RPS6KC1: variants seen among roughly 807,000 people sequenced by gnomAD.
The protein encoded by RPS6KC1 is ribosomal protein S6 kinase C1.
In RPS6KC1, 54 loss-of-function variants were observed where a neutral mutation model predicts 103.8. The ratio of observed to expected loss-of-function variants is 0.52; its 90% confidence interval spans 0.42 to 0.65. RPS6KC1 has a LOEUF of 0.65. Among genes scored for constraint, RPS6KC1 ranks in the 30% least tolerant of loss-of-function variants. RPS6KC1 has a pLI of 0.00. For synonymous variants in RPS6KC1, 439 were observed against 438.7 expected (o/e 1.00, Z -0.01); for missense variants, 1,151 against 1,253.8 (o/e 0.92, Z 1.24).
At chr1:213,853,320 G>A in the RPS6KC1 span, among the ~76,000 whole-genome samples, 439 of 152,306 alleles carry the variant, frequency 2.9e-3, 4 homozygotes, top group African/African-American at 0.01. Flanking sequence ...GAGCCAAGAT[G>A]ATTCATGATG....
the RPS6KC1 span, among the ~76,000 whole-genome samples, chr1:213,751,062 C>G: frequency 6.6e-6 from 1 of 152,122 alleles, no homozygotes; most frequent in Non-Finnish European, 1.5e-5. Flanking sequence ...TCTGGCAGAA[C>G]TGAGCATCTT....
the RPS6KC1 span, among the ~76,000 whole-genome samples, chr1:213,854,596 T>C: frequency 1.3e-5 from 2 of 151,114 alleles, no homozygotes; most frequent in Non-Finnish European, 2.9e-5. Flanking sequence ...CTTTCTTTCT[T>C]TGAGTTCCTT....
chr1:213,790,346 G>C, the RPS6KC1 span, among the ~76,000 whole-genome samples: 1 of 152,170 alleles, frequency 6.6e-6, no homozygotes. Context: ...ACAGTCAACA[G>C]TATGTATGAC....
chr1:213,281,577 C>T, the RPS6KC1 span, among the ~76,000 whole-genome samples: 74 of 152,348 alleles, frequency 4.9e-4, no homozygotes, highest in African/African-American at 1.6e-3. Flanking sequence ...ATCTGCATCT[C>T]GCCCTTGCCA....
chr1:213,145,986 T>C (rs1572823161), intron 6 of RPS6KC1, among the ~76,000 whole-genome samples: 1 of 145,696 alleles, frequency 6.9e-6, no homozygotes. Context: ...TTTTTTTTTT[T>C]TTTTTTTTGG....
chr1:213,751,328 G>A, the RPS6KC1 span, among the ~76,000 whole-genome samples: 2 of 152,124 alleles, frequency 1.3e-5, no homozygotes, highest in Non-Finnish European at 2.9e-5. Context: ...TGACCCAGTG[G>A]CTCCAACATA....
At chr1:213,165,674 T>C (rs1158097612) in intron 6 of RPS6KC1, among the ~76,000 whole-genome samples, 1 of 152,042 alleles carries the variant, frequency 6.6e-6, no homozygotes, top group Non-Finnish European at 1.5e-5. Flanking sequence ...CTGCCCACCT[T>C]GGCCTCCCAA....
chr1:213,276,744 T>G (rs2095113348), downstream of RPS6KC1, among the ~76,000 whole-genome samples: 1 of 152,212 alleles, frequency 6.6e-6, no homozygotes, highest in Non-Finnish European at 1.5e-5. Flanking sequence ...GTTATATAGT[T>G]GTAAAATTAC....
chr1:213,335,650 C>G, the RPS6KC1 span, among the ~76,000 whole-genome samples: 111 of 152,316 alleles, frequency 7.3e-4, no homozygotes, highest in African/African-American at 2.6e-3. Context: ...TTGGCCAGAA[C>G]TTGGTCATGT....
Position 213,066,516 on chromosome 1 carries a change from T to C in RPS6KC1, c.106-4490T>C, listed in dbSNP as rs569987018. Among the ~76,000 whole-genome samples the C allele has an allele frequency of 1.7e-4, 26 of 152,378 alleles. No individual in the cohort carries two copies. In the South Asian group the frequency reaches 5.4e-3, roughly 32 times the overall value. On this transcript the variant is annotated intron_variant, in intron 1 of 14. Transcript: ENST00000366960. ...TAAGTATACTTCAACTTTGATTTTC[T>C]GTATATTGCATAATAATCATGAGTT...
At chr1:213,436,258 C>T in the RPS6KC1 span, among the ~76,000 whole-genome samples, 1 of 152,154 alleles carries the variant, frequency 6.6e-6, no homozygotes, top group Non-Finnish European at 1.5e-5. Context: ...TCTTGAATCA[C>T]AATGACTGCA....
At chr1:213,541,536 A>G in the RPS6KC1 span, among the ~76,000 whole-genome samples, 1 of 152,282 alleles carries the variant, frequency 6.6e-6, no homozygotes, top group East Asian at 1.9e-4. Flanking sequence ...GAAGTCCAAT[A>G]AAAGAGGTAT....
chr1:213,577,050 T>C, the RPS6KC1 span, among the ~76,000 whole-genome samples: 1 of 152,220 alleles, frequency 6.6e-6, no homozygotes, highest in Non-Finnish European at 1.5e-5. Context: ...ATGGTTTGGC[T>C]GTATCCCCAC....
the RPS6KC1 span, among the ~76,000 whole-genome samples, chr1:213,605,335 G>A: frequency 2.0e-5 from 3 of 152,240 alleles, no homozygotes; most frequent in East Asian, 3.9e-4. Context: ...AGAGCTATTG[G>A]GCACTGCACA....
intron 12 of RPS6KC1, among the ~76,000 whole-genome samples, chr1:213,244,598 A>G (rs1193140884): frequency 1.3e-5 from 2 of 152,188 alleles, no homozygotes; most frequent in Non-Finnish European, 2.9e-5. Flanking sequence ...TTTAATATCC[A>G]TAACATGTTG....
chr1:213,580,451 G>A, the RPS6KC1 span, among the ~76,000 whole-genome samples: 1 of 152,088 alleles, frequency 6.6e-6, no homozygotes, highest in African/African-American at 2.4e-5. Flanking sequence ...TGGTAACAAA[G>A]CATTTAGAAT....
chr1:213,115,601 G>C (rs1285482285), intron 4 of RPS6KC1, among the ~76,000 whole-genome samples: 4 of 152,022 alleles, frequency 2.6e-5, no homozygotes, highest in African/African-American at 4.8e-5. Flanking sequence ...ACTAGCTTTT[G>C]AATGTGTTTG....
the RPS6KC1 span, among the ~76,000 whole-genome samples, chr1:213,582,139 C>A: frequency 2.6e-4 from 39 of 148,982 alleles, no homozygotes; most frequent in Admixed American, 2.3e-3. Context: ...TGTCCTGACA[C>A]ATATTCTAAA....
intron 6 of RPS6KC1, among the ~76,000 whole-genome samples, chr1:213,131,873 T>C (rs2085672302): frequency 6.6e-6 from 1 of 152,252 alleles, no homozygotes; most frequent in African/African-American, 2.4e-5. Flanking sequence ...AAATCTGCTC[T>C]GACATTTTTT....
Sources: gnomAD v4.1 joint callset for allele counts (sites outside exome capture counted in the v4.1 genomes callset) on GRCh38, gnomAD v4.1.1 for gene constraint, MANE v1.5 for transcripts, NCBI Gene and HGNC (gene_info 2026-07-23, HGNC 2026-07-21) for gene names.